The following B3GALT1 variants were observed in gnomAD, a reference collection of about 807,000 sequenced individuals.
B3GALT1 encodes UDP-Gal:betaGlcNAc beta 1,3-galactosyltransferase, polypeptide 1.
A neutral mutation model predicts 23.2 loss-of-function variants in B3GALT1; 10 were observed. The ratio of observed to expected loss-of-function variants is 0.43; its 90% CI spans 0.27 to 0.73. The LOEUF (loss-of-function observed/expected upper bound fraction) is 0.73. Among genes scored for constraint, B3GALT1 ranks in the 30% least tolerant of loss-of-function variants. The pLI is 0.21. For synonymous variants in B3GALT1, 156 were observed against 141.5 expected (o/e 1.10, Z -0.73); for missense variants, 299 against 405.4 (o/e 0.74, Z 2.25).
chr2:167,548,683 T>TGA (rs1440260741), intron 2 of B3GALT1, among the ~76,000 whole-genome samples: 12 of 125,670 alleles, frequency 9.5e-5, no homozygotes, highest in African/African-American at 4.6e-4. Context: ...GACGTGTGTG[T>TGA]GAGTGTGTGT....
chr2:167,475,676 A>T (rs1199838947), intron 1 of B3GALT1, among the ~76,000 whole-genome samples: 1 of 152,132 alleles, frequency 6.6e-6, no homozygotes, highest in African/African-American at 2.4e-5. Flanking sequence ...TCTGATTAAG[A>T]TCTACTGGGG....
At chr2:167,752,820 C>T (rs78112082) in intron 3 of B3GALT1, among the ~76,000 whole-genome samples, 14,954 of 152,206 alleles carry the variant, frequency 0.098, 991 homozygotes, top group Middle Eastern at 0.19. Flanking sequence ...TGGGGAGCTG[C>T]GGTTGAACTG....
intron 3 of B3GALT1, among the ~76,000 whole-genome samples, chr2:167,660,202 G>A (rs1686031793): frequency 6.6e-6 from 1 of 152,016 alleles, no homozygotes; most frequent in South Asian, 2.1e-4. Flanking sequence ...TCTTTTCATA[G>A]CTCTTTCTAA....
At chr2:167,339,068 G>A (rs967697380) in intron 1 of B3GALT1, among the ~76,000 whole-genome samples, 13 of 152,076 alleles carry the variant, frequency 8.5e-5, no homozygotes, top group African/African-American at 3.1e-4. Flanking sequence ...TCAAATTAAA[G>A]ATATGCTATA....
intron 1 of B3GALT1, among the ~76,000 whole-genome samples, chr2:167,445,472 G>A (rs1698967705): frequency 1.3e-5 from 2 of 152,166 alleles, no homozygotes. Context: ...GGGTGTTAAA[G>A]TCTTCCATTA....
At chr2:167,699,992 C>A (rs559034977) in intron 3 of B3GALT1, among the ~76,000 whole-genome samples, 3 of 152,178 alleles carry the variant, frequency 2.0e-5, no homozygotes, top group African/African-American at 7.2e-5. Context: ...GGATTACAGG[C>A]GTGAGCCACC....
intron 1 of B3GALT1, among the ~76,000 whole-genome samples, chr2:167,344,538 G>T (rs1257217301): frequency 6.6e-6 from 1 of 152,040 alleles, no homozygotes; most frequent in Non-Finnish European, 1.5e-5. Context: ...CTATATAGGT[G>T]CAGGGCAACA....
chr2:167,405,580 GATAAAGA>G (rs1256624297), intron 1 of B3GALT1, among the ~76,000 whole-genome samples: 1 of 152,040 alleles, frequency 6.6e-6, no homozygotes, highest in Non-Finnish European at 1.5e-5. Flanking sequence ...AAGAGATCAA[GATAAAGA>G]ATATCTCACT....
chr2:167,660,827 G>T (rs758997884), intron 3 of B3GALT1, among the ~76,000 whole-genome samples: 24 of 152,074 alleles, frequency 1.6e-4, no homozygotes, highest in Non-Finnish European at 2.9e-4. Flanking sequence ...GCATTGCATT[G>T]CAAGATAAAC....
At chr2:167,625,284 T>C (rs1685321941) in intron 2 of B3GALT1, among the ~76,000 whole-genome samples, 1 of 151,940 alleles carries the variant, frequency 6.6e-6, no homozygotes. Flanking sequence ...GAAATAAAAA[T>C]GGATGGCTAA....
At chr2:167,604,498 T>C (rs752848218) in intron 2 of B3GALT1, among the ~76,000 whole-genome samples, 1 of 152,220 alleles carries the variant, frequency 6.6e-6, no homozygotes, top group South Asian at 2.1e-4. Context: ...TTCATTCACT[T>C]GTGTTCTGGG....
At chr2:167,579,412 T>A (rs1266342177) in intron 2 of B3GALT1, among the ~76,000 whole-genome samples, 1 of 144,740 alleles carries the variant, frequency 6.9e-6, no homozygotes, top group Non-Finnish European at 1.5e-5. Context: ...TAGTTTGGTT[T>A]TGGTTTTGTT....
At chr2:167,456,998 A>G (rs1387004562) in intron 1 of B3GALT1, among the ~76,000 whole-genome samples, 1 of 152,162 alleles carries the variant, frequency 6.6e-6, no homozygotes, top group African/African-American at 2.4e-5. Context: ...AACCAGATCC[A>G]ATCCTGATCC....
At chr2:167,405,409 A>C (rs1340263478) in intron 1 of B3GALT1, among the ~76,000 whole-genome samples, 1 of 152,260 alleles carries the variant, frequency 6.6e-6, no homozygotes, top group East Asian at 1.9e-4. Context: ...TAACTATAAC[A>C]GTGCAATAAT....
intron 1 of B3GALT1, among the ~76,000 whole-genome samples, chr2:167,326,088 T>G (rs1213808998): frequency 2.3e-4 from 2 of 8,578 alleles, no homozygotes; most frequent in Non-Finnish European, 2.9e-3. Context: ...CCAATATCTG[T>G]TTTTTTTTTT....
chr2:167,791,597 T>G (rs1455909274), intron 3 of B3GALT1, among the ~76,000 whole-genome samples: 3 of 151,584 alleles, frequency 2.0e-5, no homozygotes, highest in Non-Finnish European at 4.4e-5. Flanking sequence ...TACAGTCATT[T>G]GATCAGACCT....
intron 2 of B3GALT1, among the ~76,000 whole-genome samples, chr2:167,625,963 A>ATATATATG (rs1388345312): frequency 1.2e-4 from 3 of 24,322 alleles, no homozygotes; most frequent in African/African-American, 2.6e-4. Context: ...ATATATATAT[A>ATATATATG]TATATATATA....
Position 167,359,535 on chromosome 2 carries a change from A to G in B3GALT1, c.-511+66201A>G, listed in dbSNP as rs145222632. On this transcript the variant is annotated intron_variant, in intron 1 of 4. Transcript: ENST00000392690. ...TAGGTGATTCTAATACAGGATATCC[A>G]TAGATCACATTTTGAGAACATCACA... Among the ~76,000 whole-genome samples the G allele has an allele frequency of 1.1e-3, 174 of 152,360 alleles. 1 individual carries two copies. The East Asian group carries it at 0.018, about 16-fold the overall frequency.
chr2:167,488,572 C>T (rs1486643977), intron 1 of B3GALT1, among the ~76,000 whole-genome samples: 2 of 152,176 alleles, frequency 1.3e-5, no homozygotes, highest in Non-Finnish European at 2.9e-5. Flanking sequence ...AGCCTCGGTC[C>T]TATTGTTTGT....
Sources: allele counts gnomAD v4.1 joint callset (sites outside exome capture counted in the v4.1 genomes callset), GRCh38; gene constraint gnomAD v4.1.1; transcripts MANE v1.5; gene names NCBI Gene and HGNC (gene_info 2026-07-23, HGNC 2026-07-21).